SLC5A10: variants seen among roughly 807,000 people sequenced by gnomAD.
SLC5A10 encodes the protein solute carrier family 5 member 10.
Under a neutral mutation model 68.9 loss-of-function variants are expected in SLC5A10, and 55 were observed. The observed-to-expected ratio is 0.80, with a 90% confidence interval of 0.64 to 1.00. The LOEUF (loss-of-function observed/expected upper bound fraction) is 1.00, where lower values mean the gene tolerates loss of function less well. SLC5A10 is among the 50% of genes least tolerant of loss of function. SLC5A10 has a pLI of 0.00. For synonymous variants in SLC5A10, 344 were observed against 344.8 expected, an observed-to-expected ratio of 1.00 and a Z score of 0.02; for missense variants, 732 against 819.3, an observed-to-expected ratio of 0.89 and a Z score of 1.30.
intron 9 of SLC5A10, among the ~76,000 whole-genome samples, chr17:19,006,387 TTC>T (rs2043890871): frequency 6.7e-6 from 1 of 149,720 alleles, no homozygotes; most frequent in African/African-American, 2.4e-5. Context: ...CTAATTTTTT[TTC>T]TTTTTTCTTT....
chr17:18,968,942 T>C lies in SLC5A10; in HGVS notation c.454-110T>C, dbSNP rs2042767913. 19 of 942,330 alleles carry C rather than the reference T, an allele frequency of 2.0e-5. No individual in the cohort carries two copies. Among genetic ancestry groups the C allele is most frequent in the Non-Finnish European group, 2.9e-5 (19 of 645,656 alleles). 58.4% of individuals were successfully genotyped at this position (942,330 alleles called of 1,614,324 possible). On this transcript the variant is annotated intron_variant, in intron 5 of 14. Transcript: ENST00000395645. This position sits in a 1 kb window ranked among gnomAD's most constrained non-coding sequence, Gnocchi z 4.1. ...CAGGCGAGTGGGGGTCTCCCCTCCT[T>C]ATCCACAGGCCACCGAGGCCCAGAG...
rs887273249 is a variant in SLC5A10, at chr17:19,017,499, G to A, written c.1242-1924G>A. ...GGAGAGGAGGCCATCGCAGGGCCGGGTGCAGTACCATGCCGGTGACCCTGA... is the reference window on the plus strand; with the variant it reads ...GGAGAGGAGGCCATCGCAGGGCCGGATGCAGTACCATGCCGGTGACCCTGA... On this transcript the variant is annotated intron_variant, in intron 11 of 14. Coordinates refer to ENST00000395645, the MANE Select transcript of SLC5A10 (RefSeq NM_001042450.4). The surrounding 1 kb of genome is among the most constrained non-coding windows in gnomAD (Gnocchi z 5.6). 4.7e-6 allele frequency: 5 copies of A among 1,064,246 alleles called. No homozygotes were observed. The highest frequency in any genetic ancestry group is 1.6e-5 in the African/African-American group (1 of 63,544). 65.9% of individuals were successfully genotyped at this position (1,064,246 alleles called of 1,614,324 possible). A position where few individuals can be genotyped will look rare whatever the true frequency, so the allele number is the denominator to read the frequency against.
rs1431130583 is a variant in SLC5A10, at chr17:19,021,335, C to T, written c.*904C>T. The T allele has an allele frequency of 2.0e-5, 3 of 153,648 alleles. No homozygotes were observed. The highest frequency in any genetic ancestry group is 7.2e-5 in the African/African-American group (3 of 41,528). The allele number at this position is 153,648 out of a possible 1,614,324, so 9.5% of individuals were successfully genotyped here. A position where few individuals can be genotyped will look rare whatever the true frequency, so the allele number is the denominator to read the frequency against. On this transcript the variant is annotated 3_prime_UTR_variant, in exon 15 of 15. Transcript: ENST00000395645. This position sits in a 1 kb window ranked among gnomAD's most constrained non-coding sequence, Gnocchi z 4.1. ...GCCTCCACCTTCCCTACTGCCCGCC[C>T]CTTTTTCAGGGTCTTAGGGCCTCTA...
intron 9 of SLC5A10, chr17:18,986,299 G>T (rs2043266870): frequency 6.6e-6 from 1 of 152,254 alleles, no homozygotes. Flanking sequence ...AAGGATAAGA[G>T]AAATTAATAT....
chr17:18,951,163 C>G (rs1414116385), upstream of SLC5A10, among the ~76,000 whole-genome samples: 1 of 152,234 alleles, frequency 6.6e-6, no homozygotes, highest in Non-Finnish European at 1.5e-5. Context: ...AAATGCTTTG[C>G]AAAGTCACGA....
chr17:18,960,270 C>T lies in SLC5A10; in HGVS notation c.349-278C>T, dbSNP rs1268459659. ...TAAACTTGTCCCTCTGTCCCAGCCA[C>T]GGCCCCTCCAATCCATTCCTCGTCT... is the stretch of plus-strand genomic sequence containing the variant. On this transcript the variant is annotated intron_variant, in intron 4 of 14. Transcript: ENST00000395645. 5.3e-5 allele frequency among the ~76,000 whole-genome samples: 8 copies of T among 152,290 alleles called. No individual in the cohort carries two copies. The East Asian group carries it at 9.6e-4, about 18-fold the overall frequency.
At chr17:19,001,053 C>T (rs943588229) in intron 9 of SLC5A10, among the ~76,000 whole-genome samples, 17 of 152,158 alleles carry the variant, frequency 1.1e-4, no homozygotes, top group African/African-American at 3.9e-4. Context: ...CCCCTCTACC[C>T]GAGAACTAGC....
intron 11 of SLC5A10, among the ~76,000 whole-genome samples, chr17:19,016,412 G>A (rs555092881): frequency 6.6e-6 from 1 of 152,066 alleles, no homozygotes; most frequent in Non-Finnish European, 1.5e-5. Context: ...CGCCCTCCCT[G>A]GCCCTCCAGT....
chr17:19,012,603 C>G (rs1013158279), intron 9 of SLC5A10, among the ~76,000 whole-genome samples: 1 of 152,148 alleles, frequency 6.6e-6, no homozygotes, highest in Non-Finnish European at 1.5e-5. Context: ...GACCGGAATT[C>G]GGGAAGGAGG....
intron 6 of SLC5A10, 60 bp downstream of exon 6, chr17:18,969,217 C>T (rs2042777362): frequency 6.3e-7 from 1 of 1,587,006 alleles, no homozygotes; most frequent in Admixed American, 1.7e-5. Flanking sequence ...CAGAAGGCCA[C>T]CTCCCCCTAC....
intron 9 of SLC5A10, among the ~76,000 whole-genome samples, chr17:18,987,639 C>G (rs1597868015): frequency 6.6e-6 from 1 of 152,242 alleles, no homozygotes; most frequent in Non-Finnish European, 1.5e-5. Context: ...CCATCGGCAG[C>G]CTTCTCTGAT....
At chr17:19,001,990 G>A (rs2043740170) in intron 9 of SLC5A10, among the ~76,000 whole-genome samples, 1 of 152,200 alleles carries the variant, frequency 6.6e-6, no homozygotes, top group African/African-American at 2.4e-5. Context: ...TCTCTGTGGG[G>A]ACTGGGTTCT....
At chr17:18,995,402 T>G (rs1434460582) in intron 9 of SLC5A10, among the ~76,000 whole-genome samples, 1 of 152,116 alleles carries the variant, frequency 6.6e-6, no homozygotes, top group Non-Finnish European at 1.5e-5. Context: ...TTAGTGAACT[T>G]GAAGACATGT....
At position 19,019,741 on chromosome 17, in the gene SLC5A10, T is replaced by C. The variant is rs1210504979; in HGVS notation, c.1439T>C (p.Leu480Pro). 2.5e-6 allele frequency: 4 copies of C among 1,612,202 alleles called. No individual in the cohort carries two copies. The highest frequency in any genetic ancestry group is 3.4e-6 in the Non-Finnish European group (4 of 1,179,788). The change falls in exon 13 of 15, where the codon CTG becomes CCG. Residue 480 changes from leucine to proline, a missense_variant. By Grantham distance (98) the Leu-to-Pro change is moderately conservative (BLOSUM62 -3). Coordinates refer to ENST00000395645, the MANE Select transcript of SLC5A10 (RefSeq NM_001042450.4). ...QGAFWGLIAG[L>P]VVGATRLVLE... The stretch of plus-strand genomic sequence containing the variant: ...GCCTTCTGGGGCCTGATAGCAGGGC[T>C]GGTGGTGGGGGCCACGAGGCTGGTC...
Position 18,968,872 on chromosome 17 carries a change from C to A in SLC5A10, c.454-180C>A. ...TCCGCACAAGCTTGTAGCTCCACGG[C>A]CAGGTCTTCCCCCAACCTCACAATG... On this transcript the variant is annotated intron_variant, in intron 5 of 14. Transcript: ENST00000395645. This position sits in a 1 kb window ranked among gnomAD's most constrained non-coding sequence, Gnocchi z 4.1. The A allele has an allele frequency of 1.7e-6, 1 of 598,204 alleles. No individual in the cohort carries two copies. Among genetic ancestry groups the A allele is most frequent in the Non-Finnish European group, 2.9e-6 (1 of 340,176 alleles). 37.1% of individuals were successfully genotyped at this position (598,204 alleles called of 1,614,324 possible). A position where few individuals can be genotyped will look rare whatever the true frequency, so the allele number is the denominator to read the frequency against.
intron 5 of SLC5A10, among the ~76,000 whole-genome samples, chr17:18,965,641 G>C (rs1010725642): frequency 6.6e-6 from 1 of 152,158 alleles, no homozygotes; most frequent in Non-Finnish European, 1.5e-5. Flanking sequence ...CGCCAGATCA[G>C]TCCCACGCTG....
intron 9 of SLC5A10, among the ~76,000 whole-genome samples, chr17:18,981,774 C>T (rs567061522): frequency 6.6e-6 from 1 of 152,226 alleles, no homozygotes; most frequent in Non-Finnish European, 1.5e-5. Context: ...CGCCGGCCCC[C>T]CACCCCGCAG....
rs753343153 is a variant in SLC5A10, at chr17:19,019,792, C to T, written c.1490C>T (p.Pro497Leu). ...LVLEFLNPAP[P>L]CGEPDTRPAV... is the part of the protein sequence containing the mutation. ...CTGGAATTCCTGAACCCAGCCCCAC[C>T]GTGCGGAGAGCCAGACACGCGGCCA... Residue 497 changes from proline (P) to leucine (L), a missense_variant, in exon 13 of 15, where the codon CCG becomes CTG. By Grantham distance (98) the Pro-to-Leu change is moderately conservative. Transcript: ENST00000395645. 1.7e-5 allele frequency: 28 copies of T among 1,613,132 alleles called. No individual in the cohort carries two copies. The highest frequency in any genetic ancestry group is 1.6e-4 in the Middle Eastern group (1 of 6,080).
rs1180984141 is a variant in SLC5A10, at chr17:19,017,771, C to T, written c.1242-1652C>T. 3 of 192,358 alleles carry T rather than the reference C, an allele frequency of 1.6e-5. No individual in the cohort carries two copies. The South Asian group carries it at 3.0e-4, about 19-fold the overall frequency. The allele number at this position is 192,358 out of a possible 1,614,324, so 11.9% of individuals were successfully genotyped here. Reference sequence around the variant, plus strand: ...CTCAGACACCCCTCCTTGAGATGTTCCACAGTAACTGTGGCTGCAGCCCAG... The same window carrying T: ...CTCAGACACCCCTCCTTGAGATGTTTCACAGTAACTGTGGCTGCAGCCCAG... On this transcript the variant is annotated intron_variant, in intron 11 of 14. Coordinates refer to ENST00000395645, the MANE Select transcript of SLC5A10 (RefSeq NM_001042450.4). The surrounding 1 kb of genome is among the most constrained non-coding windows in gnomAD (Gnocchi z 5.6).
Sources: gnomAD v4.1 joint callset for allele counts (sites outside exome capture counted in the v4.1 genomes callset) on GRCh38, gnomAD v4.1.1 for gene constraint, Gnocchi (gnomAD v3.1) non-coding constraint, MANE v1.5 for transcripts, NCBI Gene and HGNC (gene_info 2026-07-23, HGNC 2026-07-21) for gene names.